The following SUCO variants were observed in gnomAD, a reference collection of about 807,000 sequenced individuals.
SUCO encodes the protein SUN domain-containing ossification factor.
In SUCO, 57 loss-of-function variants were observed where a neutral mutation model predicts 148.1. The ratio of observed to expected loss-of-function variants is 0.38; its 90% CI spans 0.31 to 0.48. The LOEUF (loss-of-function observed/expected upper bound fraction) is 0.48. Among genes scored for constraint, SUCO ranks in the 20% least tolerant of loss-of-function variants. SUCO has a pLI of 0.96. For missense variants in SUCO, 1,331 were observed against 1,468.2 expected (o/e 0.91, Z 1.53); for synonymous variants, 470 against 502.7 (o/e 0.93, Z 0.87).
In SUCO at chr1:172,585,105, G is replaced by T; in HGVS notation, c.1567+19G>T. On this transcript the variant is annotated intron_variant, in intron 16 of 23. Coordinates refer to ENST00000263688, the MANE Select transcript of SUCO (RefSeq NM_014283.5). ...ACAGAAGGTACCTAATCATTTTATGGGTCTTTTAAATAGCTGGTACTCCAG... is the reference window on the plus strand; with the variant it reads ...ACAGAAGGTACCTAATCATTTTATGTGTCTTTTAAATAGCTGGTACTCCAG... The T allele has an allele frequency of 6.4e-7, 1 of 1,566,540 alleles. No homozygotes were observed. The highest frequency in any genetic ancestry group is 1.2e-5 in the South Asian group (1 of 84,356).
In SUCO at chr1:172,570,131, A is replaced by C; in HGVS notation, c.941A>C (p.Glu314Ala). Residue 314 changes from glutamate to alanine, a missense_variant, in exon 8 of 24, where the codon GAA becomes GCA. Physicochemically the swap from Glu to Ala is moderately radical, Grantham distance 107. Around this residue, in one of 3 missense-constraint regions of SUCO, gnomAD observed 992 missense variants for 1,093.5 expected, o/e 0.91. Transcript: ENST00000263688. ...AATCGAAATAATTATGCCTCAGTAG[A>C]ATGTGGTGCCAAAATTCTAGCAGCT... is the stretch of plus-strand genomic sequence containing the variant. The part of the protein sequence containing the change: ...QKNRNNYASV[E>A]CGAKILAANP... 1 of 1,589,062 alleles carries C rather than the reference A, an allele frequency of 6.3e-7. No individual in the cohort carries two copies. The highest frequency in any genetic ancestry group is 8.6e-7 in the Non-Finnish European group (1 of 1,166,248).
At chr1:172,536,585 G>A (rs1450469748) in intron 1 of SUCO, among the ~76,000 whole-genome samples, 1 of 152,146 alleles carries the variant, frequency 6.6e-6, no homozygotes, top group East Asian at 1.9e-4. Flanking sequence ...TTTAACACTG[G>A]AAGTCGCATA....
chr1:172,598,131 CT>C (rs1657256226), intron 19 of SUCO, among the ~76,000 whole-genome samples: 1 of 152,082 alleles, frequency 6.6e-6, no homozygotes, highest in African/African-American at 2.4e-5. Flanking sequence ...GATCAAAGTT[CT>C]TTTTGGAAAG....
At chr1:172,585,150 A>C (rs1350500544) in intron 16 of SUCO, 64 bp downstream of exon 16, 1 of 1,269,848 alleles carries the variant, frequency 7.9e-7, no homozygotes, top group African/African-American at 1.5e-5. Context: ...TATTTAGGAA[A>C]ATCAAGTAAT....
chr1:172,557,936 C>T, intron 6 of SUCO, 142 bp downstream of exon 6: 1 of 644,212 alleles, frequency 1.6e-6, no homozygotes, highest in Non-Finnish European at 2.6e-6. Context: ...CTAACACGAA[C>T]TGTGCTCCCT....
In SUCO at chr1:172,555,298, T is replaced by C. The variant is rs1037005161; in HGVS notation, c.289-571T>C. The C allele has an allele frequency of 4.5e-6, 3 of 671,146 alleles. No individual in the cohort carries two copies. The African/African-American group carries it at 5.9e-5, about 13-fold the overall frequency. 41.6% of individuals were successfully genotyped at this position (671,146 alleles called of 1,614,324 possible). The stretch of plus-strand genomic sequence containing the variant: ...AGGGAGTAGTTAATTCTGTTTAGGG[T>C]TGATCTTGGAGGAGGAGGTGCTGAT... On this transcript the variant is annotated intron_variant, in intron 3 of 23. Transcript: ENST00000263688.
chr1:172,563,329 T>G (rs1308629796), intron 6 of SUCO, among the ~76,000 whole-genome samples: 1 of 152,224 alleles, frequency 6.6e-6, no homozygotes, highest in Non-Finnish European at 1.5e-5. Context: ...AGAGACTTGT[T>G]GAATGGTTTT....
chr1:172,588,166 T>G, intron 17 of SUCO: 1 of 985,304 alleles, frequency 1.0e-6, no homozygotes, highest in Non-Finnish European at 1.2e-6. Context: ...CCTATGTGTG[T>G]AGGTGTGTGT....
At chr1:172,584,666 G>A (rs776085919) in intron 15 of SUCO, among the ~76,000 whole-genome samples, 7 of 152,050 alleles carry the variant, frequency 4.6e-5, no homozygotes, top group Admixed American at 1.3e-4. Context: ...CCAGCTACTC[G>A]GGAGGCTGAG....
chr1:172,533,299 G>C lies in SUCO; in HGVS notation c.-137G>C. The C allele has an allele frequency of 6.4e-7, 1 of 1,550,394 alleles. No individual in the cohort carries two copies. ...CCAGGACGCGAGCCACTGAGGAGCC[G>C]CTCAGCCAGCGCCATAGCCCTTAGG... On this transcript the variant is annotated 5_prime_UTR_variant, in exon 1 of 24. Transcript: ENST00000263688.
intron 19 of SUCO, among the ~76,000 whole-genome samples, chr1:172,594,691 T>A (rs1656949282): frequency 6.6e-6 from 1 of 152,228 alleles, no homozygotes; most frequent in Non-Finnish European, 1.5e-5. Context: ...AGGAGTGCTT[T>A]ACCTCCAGCT....
intron 22 of SUCO, chr1:172,608,166 CT>C: frequency 1.3e-6 from 1 of 787,276 alleles, no homozygotes; most frequent in Non-Finnish European, 1.5e-6. Flanking sequence ...TTCATTATTG[CT>C]TAGTGATATA....
In SUCO at chr1:172,573,914, C is replaced by G. The variant is rs1471847122; in HGVS notation, c.1073C>G (p.Pro358Arg). The G allele has an allele frequency of 1.3e-6, 2 of 1,592,134 alleles. No homozygotes were observed. Among genetic ancestry groups the G allele is most frequent in the Admixed American group, 3.4e-5 (2 of 58,866 alleles). Residue 358 changes from proline to arginine, a missense_variant, in exon 10 of 24, where the codon CCA becomes CGA. Coordinates refer to ENST00000263688, the MANE Select transcript of SUCO (RefSeq NM_014283.5). ...KIWFVIELCE[P>R]IQVKQLDIAN... ...AGGTTTGTTATTGAACTTTGTGAAC[C>G]AATTCAAGTAAAACAGCTTGATATT...
chr1:172,581,543 C>T (rs1655884114), intron 15 of SUCO, among the ~76,000 whole-genome samples: 1 of 152,134 alleles, frequency 6.6e-6, no homozygotes, highest in African/African-American at 2.4e-5. Flanking sequence ...ACTGAATTAG[C>T]TATAGCCTCC....
At chr1:172,596,663 G>GC (rs1657121412) in intron 19 of SUCO, among the ~76,000 whole-genome samples, 1 of 152,186 alleles carries the variant, frequency 6.6e-6, no homozygotes, top group Non-Finnish European at 1.5e-5. Flanking sequence ...TCTCAGAGGG[G>GC]CACCCGGCCC....
At chr1:172,555,520 G>A (rs910138318) in intron 3 of SUCO, among the ~76,000 whole-genome samples, 1 of 152,082 alleles carries the variant, frequency 6.6e-6, no homozygotes. Flanking sequence ...ACTATGTATT[G>A]TACTGTTTTG....
intron 22 of SUCO, among the ~76,000 whole-genome samples, chr1:172,606,461 T>C (rs909318908): frequency 4.0e-5 from 6 of 151,772 alleles, no homozygotes; most frequent in African/African-American, 1.4e-4. Context: ...ACTTGTATCT[T>C]CTCCTTAACA....
intron 1 of SUCO, among the ~76,000 whole-genome samples, chr1:172,536,149 T>C (rs554735657): frequency 3.3e-5 from 5 of 152,330 alleles, no homozygotes; most frequent in South Asian, 2.1e-4. Flanking sequence ...ATTAACTTCC[T>C]TTTGCATTTT....
In SUCO at chr1:172,593,635, G is replaced by A. The variant is rs930726513; in HGVS notation, c.2913+2564G>A. The stretch of plus-strand genomic sequence containing the variant: ...TCCCAGGGATGAAGCCAACTTGATC[G>A]TGGTGGGTAAGCTTTTTGATGTGCT... On this transcript the variant is annotated intron_variant, in intron 19 of 23. Coordinates refer to ENST00000263688, the MANE Select transcript of SUCO (RefSeq NM_014283.5). Among the ~76,000 whole-genome samples the A allele has an allele frequency of 7.2e-5, 11 of 152,116 alleles. No homozygotes were observed. In the South Asian group the frequency reaches 8.3e-4, roughly 11 times the overall value.
Sources: gnomAD v4.1 joint callset for allele counts (sites outside exome capture counted in the v4.1 genomes callset) on GRCh38, gnomAD v4.1.1 for gene constraint, gnomAD v4.1.1 regional missense constraint, MANE v1.5 for transcripts, NCBI Gene and HGNC (gene_info 2026-07-23, HGNC 2026-07-21) for gene names.